The following CPA6 variants were observed in gnomAD, a reference collection of about 807,000 sequenced individuals.
CPA6 encodes carboxypeptidase B.
A neutral mutation model predicts 63.3 loss-of-function variants in CPA6; 58 were observed. That is an observed-to-expected ratio of 0.92 (90% CI 0.74 to 1.14). CPA6 has a LOEUF of 1.14. Among genes scored for constraint, CPA6 ranks in the 50% most tolerant of loss-of-function variants. The pLI is 0.00. For missense variants in CPA6, 565 were observed against 526.6 expected (o/e 1.07, Z -0.71); for synonymous variants, 185 against 179.0 (o/e 1.03, Z -0.27).
chr8:67,541,413 C>G (rs994095159), intron 2 of CPA6, among the ~76,000 whole-genome samples: 3 of 152,100 alleles, frequency 2.0e-5, no homozygotes, highest in African/African-American at 7.2e-5. Context: ...AGTTAAAGAT[C>G]GACCCCTGAT....
chr8:67,686,101 T>C (rs1056613943), intron 1 of CPA6, among the ~76,000 whole-genome samples: 3 of 152,066 alleles, frequency 2.0e-5, no homozygotes, highest in Non-Finnish European at 4.4e-5. Flanking sequence ...CAAAAAATAC[T>C]GATTAAATAA....
chr8:67,596,566 G>A (rs1042894678), intron 2 of CPA6, among the ~76,000 whole-genome samples: 1 of 149,540 alleles, frequency 6.7e-6, no homozygotes, highest in Non-Finnish European at 1.5e-5. Context: ...GAAATTTTAG[G>A]TTGCAGATAT....
chr8:67,661,686 A>G (rs549024671), intron 1 of CPA6, among the ~76,000 whole-genome samples: 1 of 152,332 alleles, frequency 6.6e-6, no homozygotes, highest in South Asian at 2.1e-4. Flanking sequence ...GTTCCACAGC[A>G]TATGTTCTAG....
At chr8:67,661,194 T>C (rs559898449) in intron 1 of CPA6, among the ~76,000 whole-genome samples, 46 of 152,032 alleles carry the variant, frequency 3.0e-4, no homozygotes, top group Non-Finnish European at 6.2e-4. Flanking sequence ...AAGGTGTAAT[T>C]GAGAAGGTAT....
chr8:67,674,138 A>G (rs1245199409), intron 1 of CPA6, among the ~76,000 whole-genome samples: 3 of 152,222 alleles, frequency 2.0e-5, no homozygotes, highest in Non-Finnish European at 4.4e-5. Flanking sequence ...TTGTCATGAC[A>G]TGACAGAGAG....
intron 2 of CPA6, among the ~76,000 whole-genome samples, chr8:67,542,666 A>G (rs1812732278): frequency 6.6e-6 from 1 of 152,234 alleles, no homozygotes; most frequent in South Asian, 2.1e-4. Context: ...TGGTTCATAC[A>G]TGATCCACCC....
intron 1 of CPA6, among the ~76,000 whole-genome samples, chr8:67,734,970 A>G (rs1300448229): frequency 6.6e-6 from 1 of 152,188 alleles, no homozygotes; most frequent in Non-Finnish European, 1.5e-5. Flanking sequence ...AGCTTCTGTA[A>G]GTGCAAACAT....
chr8:67,461,837 C>T (rs1041971554), intron 8 of CPA6, among the ~76,000 whole-genome samples: 1 of 152,190 alleles, frequency 6.6e-6, no homozygotes, highest in Non-Finnish European at 1.5e-5. Context: ...CCACCTCCCT[C>T]CCGGATGGGG....
chr8:67,681,489 G>T (rs990899687), intron 1 of CPA6, among the ~76,000 whole-genome samples: 5 of 151,996 alleles, frequency 3.3e-5, no homozygotes, highest in African/African-American at 1.2e-4. Flanking sequence ...GATTACAGGC[G>T]TGAGCCACCG....
chr8:67,443,734 A>G (rs1218139462), intron 8 of CPA6, among the ~76,000 whole-genome samples: 1 of 152,178 alleles, frequency 6.6e-6, no homozygotes, highest in African/African-American at 2.4e-5. Context: ...ATCTTGTAAA[A>G]GTTTATAGGA....
intron 1 of CPA6, among the ~76,000 whole-genome samples, chr8:67,693,861 A>G (rs1321688750): frequency 6.6e-6 from 1 of 152,204 alleles, no homozygotes; most frequent in African/African-American, 2.4e-5. Context: ...CGGGTAAGAC[A>G]TTTGTGTGTC....
chr8:67,581,219 G>A lies in CPA6; in HGVS notation c.192+42957C>T, dbSNP rs1375691071. On this transcript the variant is annotated intron_variant, in intron 2 of 10. Transcript: ENST00000297770. The stretch of plus-strand genomic sequence containing the variant: ...GTACGGTTAATGACAGTGGATGTGC[G>A]ACAGTTGATTAAGGGATTATTAGTA... Among the ~76,000 whole-genome samples the A allele has an allele frequency of 3.3e-5, 5 of 152,168 alleles. No homozygotes were observed. In the South Asian group the frequency reaches 6.2e-4, roughly 19 times the overall value.
At chr8:67,611,061 A>G (rs1394867232) in intron 2 of CPA6, among the ~76,000 whole-genome samples, 1 of 149,678 alleles carries the variant, frequency 6.7e-6, no homozygotes, top group Non-Finnish European at 1.5e-5. Flanking sequence ...CATAACATCT[A>G]CCATGGCCAT....
intron 2 of CPA6, among the ~76,000 whole-genome samples, chr8:67,523,048 T>G (rs759710445): frequency 2.0e-5 from 3 of 152,188 alleles, no homozygotes; most frequent in African/African-American, 7.2e-5. Context: ...GTGATTAGGG[T>G]GTGAATTCTA....
intron 8 of CPA6, among the ~76,000 whole-genome samples, chr8:67,458,270 C>T (rs1810722882): frequency 6.6e-6 from 1 of 152,160 alleles, no homozygotes; most frequent in Non-Finnish European, 1.5e-5. Flanking sequence ...AATCTCGGCT[C>T]ACTGCAACCT....
At chr8:67,656,934 G>C (rs568366300) in intron 1 of CPA6, among the ~76,000 whole-genome samples, 2 of 152,244 alleles carry the variant, frequency 1.3e-5, no homozygotes, top group South Asian at 4.2e-4. Flanking sequence ...GACTCACTTG[G>C]GGGAGCTGAG....
chr8:67,470,178 C>T (rs1304056038), intron 8 of CPA6, among the ~76,000 whole-genome samples: 3 of 151,912 alleles, frequency 2.0e-5, no homozygotes, highest in Non-Finnish European at 4.4e-5. Context: ...TACGGGCATG[C>T]ACCACCATGC....
intron 6 of CPA6, among the ~76,000 whole-genome samples, chr8:67,500,763 ATT>A (rs757413090): frequency 2.8e-5 from 4 of 141,994 alleles, no homozygotes; most frequent in Non-Finnish European, 3.1e-5. Context: ...AAAAAGATTC[ATT>A]TTTTTTTTTT....
chr8:67,522,975 A>G lies in CPA6; in HGVS notation c.193-4928T>C, dbSNP rs575870624. Reference sequence around the variant, plus strand: ...GACAAAGTGGTACCGAAGGAATCCTATAATAGTAGTAGTTATTTTTGTTAC... The same window carrying G: ...GACAAAGTGGTACCGAAGGAATCCTGTAATAGTAGTAGTTATTTTTGTTAC... On this transcript the variant is annotated intron_variant, in intron 2 of 10. Transcript: ENST00000297770. Among the ~76,000 whole-genome samples the G allele has an allele frequency of 6.9e-4, 105 of 152,350 alleles. 1 individual carries two copies. The highest frequency in any genetic ancestry group is 2.3e-3 in the African/African-American group (95 of 41,584).
Sources: allele counts gnomAD v4.1 joint callset (sites outside exome capture counted in the v4.1 genomes callset), GRCh38; gene constraint gnomAD v4.1.1; transcripts MANE v1.5; gene names NCBI Gene and HGNC (gene_info 2026-07-23, HGNC 2026-07-21).